CADM2: variants seen among roughly 807,000 people sequenced by gnomAD.
CADM2 encodes immunoglobulin superfamily member 4D.
Under a neutral mutation model 49.8 loss-of-function variants are expected in CADM2, and 12 were observed. The ratio of observed to expected loss-of-function variants is 0.24; its 90% CI spans 0.15 to 0.39. The LOEUF (loss-of-function observed/expected upper bound fraction) is 0.39, where lower values mean the gene tolerates loss of function less well. CADM2 is among the 10% of genes least tolerant of loss of function. The pLI, the probability that CADM2 is intolerant of heterozygous loss-of-function variation, is 1.00. For synonymous variants in CADM2, 214 were observed against 175.4 expected (o/e 1.22, Z -1.74); for missense variants, 378 against 492.3 (o/e 0.77, Z 2.20).
chr3:85,722,978 T>C (rs939862068), intron 1 of CADM2, among the ~76,000 whole-genome samples: 1 of 152,176 alleles, frequency 6.6e-6, no homozygotes, highest in African/African-American at 2.4e-5. Flanking sequence ...TATGATTATT[T>C]GTACTGATGT....
At chr3:85,016,031 T>C (rs2034234780) in intron 1 of CADM2, among the ~76,000 whole-genome samples, 1 of 152,204 alleles carries the variant, frequency 6.6e-6, no homozygotes, top group Admixed American at 6.5e-5. Context: ...GAGATCAATT[T>C]TGAGCAATGA....
chr3:85,727,962 T>C (rs555223125), intron 2 of CADM2, among the ~76,000 whole-genome samples: 7 of 151,974 alleles, frequency 4.6e-5, no homozygotes, highest in African/African-American at 1.7e-4. Context: ...TATAAGAAAG[T>C]GTAGAAAAAT....
chr3:85,043,829 T>C (rs2035543093), intron 1 of CADM2, among the ~76,000 whole-genome samples: 1 of 152,158 alleles, frequency 6.6e-6, no homozygotes, highest in South Asian at 2.1e-4. Flanking sequence ...ACTTTTGCTA[T>C]TATCTATCAT....
chr3:85,296,305 A>T (rs1240501414), intron 1 of CADM2, among the ~76,000 whole-genome samples: 1 of 152,084 alleles, frequency 6.6e-6, no homozygotes, highest in Non-Finnish European at 1.5e-5. Context: ...AAGAATTAAT[A>T]TGTACTACAT....
intron 1 of CADM2, among the ~76,000 whole-genome samples, chr3:85,565,607 T>A (rs2062233177): frequency 1.3e-5 from 2 of 152,058 alleles, no homozygotes. Flanking sequence ...TCTCTGTGAA[T>A]CATATGTCTA....
chr3:85,631,653 T>C (rs182275801), intron 1 of CADM2, among the ~76,000 whole-genome samples: 6 of 152,242 alleles, frequency 3.9e-5, no homozygotes, highest in Admixed American at 1.3e-4. Context: ...TTACTTAATA[T>C]TAAATGTGTA....
At chr3:86,027,893 C>T (rs1303431968) in intron 8 of CADM2, 1 of 151,832 alleles carries the variant, frequency 6.6e-6, no homozygotes, top group African/African-American at 2.4e-5. Context: ...CCTGTTTTCT[C>T]AGGAACATCC....
intron 7 of CADM2, among the ~76,000 whole-genome samples, chr3:85,958,658 T>C (rs1577779419): frequency 6.6e-6 from 1 of 151,840 alleles, no homozygotes; most frequent in East Asian, 1.9e-4. Context: ...CAAATGCCCA[T>C]CAATGATAGA....
intron 1 of CADM2, among the ~76,000 whole-genome samples, chr3:85,392,600 A>AT (rs1233613769): frequency 9.2e-5 from 14 of 152,110 alleles, no homozygotes; most frequent in African/African-American, 3.1e-4. Context: ...ATTTATTATT[A>AT]GATTTTTAAA....
intron 1 of CADM2, among the ~76,000 whole-genome samples, chr3:85,560,674 C>T (rs762001592): frequency 6.6e-6 from 1 of 152,176 alleles, no homozygotes; most frequent in Non-Finnish European, 1.5e-5. Context: ...ATTTATTTTA[C>T]TCCCTCCTGT....
chr3:85,372,005 G>A (rs954524574), intron 1 of CADM2, among the ~76,000 whole-genome samples: 68 of 151,656 alleles, frequency 4.5e-4, no homozygotes, highest in African/African-American at 1.3e-3. Context: ...TCTAATCTGT[G>A]GAGATATGAA....
At chr3:85,787,518 A>G (rs1430581309) in intron 2 of CADM2, among the ~76,000 whole-genome samples, 2 of 152,080 alleles carry the variant, frequency 1.3e-5, no homozygotes, top group African/African-American at 4.8e-5. Context: ...CTATACCAAA[A>G]TCCAGGCATA....
rs201827238 is a variant in CADM2 at position 84,962,915 on chromosome 3, T to A, written c.61+3247T>A. 1.4e-4 allele frequency among the ~76,000 whole-genome samples: 21 copies of A among 152,346 alleles called. No individual in the cohort carries two copies. In the East Asian group the frequency reaches 4.1e-3, roughly 29 times the overall value. On this transcript the variant is annotated intron_variant, in intron 1 of 9. Coordinates refer to ENST00000383699, the MANE Select transcript of CADM2 (RefSeq NM_001167675.2). ...TTTTTTCTGGGAAGCAAAATCAATTTTCTGGCTTGTTAATATGTGGAGTGA... is the reference window on the plus strand; with the variant it reads ...TTTTTTCTGGGAAGCAAAATCAATTATCTGGCTTGTTAATATGTGGAGTGA...
chr3:85,907,112 C>T (rs973435600), intron 5 of CADM2, among the ~76,000 whole-genome samples: 1 of 152,098 alleles, frequency 6.6e-6, no homozygotes, highest in African/African-American at 2.4e-5. Flanking sequence ...TAATTTTTGA[C>T]AATAAAGCCA....
chr3:85,293,219 T>C (rs1430200850), intron 1 of CADM2, among the ~76,000 whole-genome samples: 1 of 151,562 alleles, frequency 6.6e-6, no homozygotes, highest in Admixed American at 6.6e-5. Flanking sequence ...ACACATACAC[T>C]CTCCCAAGAC....
At chr3:86,034,490 A>C (rs1250115907) in intron 8 of CADM2, among the ~76,000 whole-genome samples, 2 of 152,036 alleles carry the variant, frequency 1.3e-5, no homozygotes, top group East Asian at 3.9e-4. Context: ...CTCTGTGAGC[A>C]CCTTGTTCTT....
intron 1 of CADM2, among the ~76,000 whole-genome samples, chr3:85,059,763 C>T (rs2036235527): frequency 6.6e-6 from 1 of 152,142 alleles, no homozygotes; most frequent in African/African-American, 2.4e-5. Context: ...TCATCTTCTG[C>T]CACAATTGTG....
intron 1 of CADM2, among the ~76,000 whole-genome samples, chr3:85,543,111 C>A (rs1458257771): frequency 6.6e-6 from 1 of 152,142 alleles, no homozygotes; most frequent in Non-Finnish European, 1.5e-5. Context: ...AAAATTCATT[C>A]TTTTGAAAGG....
intron 8 of CADM2, chr3:86,014,662 C>T: frequency 6.4e-7 from 1 of 1,562,828 alleles, no homozygotes; most frequent in Non-Finnish European, 8.7e-7. Context: ...TCTCTGGTAC[C>T]CTCAGTCATG....
Sources: allele counts gnomAD v4.1 joint callset (sites outside exome capture counted in the v4.1 genomes callset), GRCh38; gene constraint gnomAD v4.1.1; transcripts MANE v1.5; gene names NCBI Gene and HGNC (gene_info 2026-07-23, HGNC 2026-07-21).